Variants in NACC2 observed in about 807,000 individuals in gnomAD.
NACC2 encodes NACC family member 2.
NACC2 carries 8 observed loss-of-function variants against 25.1 expected under a neutral mutation model. That is an observed-to-expected ratio of 0.32 (90% CI 0.19 to 0.57). NACC2 has a LOEUF of 0.57. NACC2 is among the 20% of genes least tolerant of loss of function. NACC2 has a pLI of 0.89. For synonymous variants in NACC2, 435 were observed against 294.7 expected, an observed-to-expected ratio of 1.48 and a Z score of -4.88; for missense variants, 644 against 650.2, an observed-to-expected ratio of 0.99 and a Z score of 0.10.
intron 2 of NACC2, among the ~76,000 whole-genome samples, chr9:136,048,147 C>T (rs923454084): frequency 1.4e-4 from 22 of 152,316 alleles, no homozygotes; most frequent in African/African-American, 5.3e-4. Context: ...TGTAGGGGTG[C>T]CCAGCCTGTC....
In NACC2 at chr9:136,063,011, T is replaced by G. The variant is rs181284019; in HGVS notation, c.-59-12431A>C. On this transcript the variant is annotated intron_variant, in intron 1 of 5. Transcript: ENST00000277554. ...TCAACCCCATGCCTGTCTTCTTGTG[T>G]CTCCCCAAGAGAAGAAGCCCGACTT... Among the ~76,000 whole-genome samples the G allele has an allele frequency of 1.4e-3, 215 of 152,362 alleles. 2 individuals are homozygous for G. Among genetic ancestry groups the G allele is most frequent in the African/African-American group, 5.0e-3 (206 of 41,586 alleles).
chr9:136,084,504 G>A lies in NACC2; in HGVS notation c.-60+10685C>T, dbSNP rs548788399. Among the ~76,000 whole-genome samples the A allele has an allele frequency of 1.3e-5, 2 of 152,264 alleles. No homozygotes were observed. Among genetic ancestry groups the A allele is most frequent in the South Asian group, 2.1e-4 (1 of 4,822 alleles). Reference sequence around the variant, plus strand: ...AGGAGGCCACAGACAAACCTACCTCGAGGGTCCATCTATCAAATCTGTCAA... The same window carrying A: ...AGGAGGCCACAGACAAACCTACCTCAAGGGTCCATCTATCAAATCTGTCAA... On this transcript the variant is annotated intron_variant, in intron 1 of 5. Transcript: ENST00000277554. This position sits in a 1 kb window ranked among gnomAD's most constrained non-coding sequence, Gnocchi z 5.1.
intron 1 of NACC2, among the ~76,000 whole-genome samples, chr9:136,080,710 G>A (rs1296893389): frequency 1.3e-5 from 2 of 152,212 alleles, no homozygotes; most frequent in Non-Finnish European, 2.9e-5. Flanking sequence ...TGGAGTGTGG[G>A]TTAGCTGGGG....
At chr9:136,058,240 G>A (rs1840956374) in intron 1 of NACC2, among the ~76,000 whole-genome samples, 1 of 152,224 alleles carries the variant, frequency 6.6e-6, no homozygotes, top group Non-Finnish European at 1.5e-5. Flanking sequence ...ACCTCGCCCT[G>A]CCTTTGCCCC....
At chr9:136,031,764 T>C (rs1020745625) in intron 2 of NACC2, among the ~76,000 whole-genome samples, 2 of 152,162 alleles carry the variant, frequency 1.3e-5, no homozygotes, top group South Asian at 4.1e-4. Flanking sequence ...CTAAAGAAAA[T>C]ATTAGCAAAT....
At chr9:136,057,314 AAC>A (rs1338544547) in intron 1 of NACC2, among the ~76,000 whole-genome samples, 1 of 152,212 alleles carries the variant, frequency 6.6e-6, no homozygotes, top group Non-Finnish European at 1.5e-5. Context: ...TTGGGGGACA[AAC>A]ACAGCACAGA....
At chr9:136,060,043 T>C (rs1421144517) in intron 1 of NACC2, among the ~76,000 whole-genome samples, 1 of 152,218 alleles carries the variant, frequency 6.6e-6, no homozygotes, top group Non-Finnish European at 1.5e-5. Context: ...GAGACAGGGA[T>C]GCAGAGATGC....
At chr9:136,071,542 C>CAAAAA (rs34087690) in intron 1 of NACC2, among the ~76,000 whole-genome samples, 9 of 83,254 alleles carry the variant, frequency 1.1e-4, no homozygotes, top group East Asian at 3.4e-4. Context: ...GACTCCATCT[C>CAAAAA]AAAAAAAAAA....
At chr9:136,015,894 G>A (rs2131134151) in intron 3 of NACC2, among the ~76,000 whole-genome samples, 1 of 152,330 alleles carries the variant, frequency 6.6e-6, no homozygotes, top group African/African-American at 2.4e-5. Flanking sequence ...GAAGGATCCC[G>A]CCTTGACTGC....
At chr9:136,090,025 A>C (rs1297876772) in intron 1 of NACC2, among the ~76,000 whole-genome samples, 1 of 152,160 alleles carries the variant, frequency 6.6e-6, no homozygotes, top group Non-Finnish European at 1.5e-5. Context: ...AAAAAGTATC[A>C]ATATACAAAA....
chr9:136,087,797 G>A (rs1309245654), intron 1 of NACC2, among the ~76,000 whole-genome samples: 15 of 152,152 alleles, frequency 9.9e-5, no homozygotes, highest in South Asian at 4.2e-4. Flanking sequence ...AGCCCAGGAC[G>A]GCACCGGCAA....
rs1011773667 is a variant in NACC2, at chr9:136,052,232, A to C, written c.-59-1652T>G. ...AACAAAGATGGCAGAAATACTGTAC[A>C]GTAGTGGAGAAATGCTTCCCGGTGC... On this transcript the variant is annotated intron_variant, in intron 1 of 5. Coordinates refer to ENST00000277554, the MANE Select transcript of NACC2 (RefSeq NM_144653.5). 2.0e-4 allele frequency among the ~76,000 whole-genome samples: 31 copies of C among 152,356 alleles called. 1 individual carries two copies. The highest frequency in any genetic ancestry group is 1.9e-3 in the Admixed American group (29 of 15,302).
At chr9:136,062,498 C>G (rs1238837653) in intron 1 of NACC2, among the ~76,000 whole-genome samples, 1 of 152,192 alleles carries the variant, frequency 6.6e-6, no homozygotes, top group Non-Finnish European at 1.5e-5. Flanking sequence ...TCTTCAGTGC[C>G]TAGGCCCAGA....
At position 136,007,308 on chromosome 9, in the gene NACC2, C is replaced by A. The variant is rs931149926; in HGVS notation, c.*4208G>T. The A allele has an allele frequency of 1.9e-5, 3 of 154,394 alleles. No individual in the cohort carries two copies. Among genetic ancestry groups the A allele is most frequent in the African/African-American group, 7.2e-5 (3 of 41,528 alleles). The allele number at this position is 154,394 out of a possible 1,614,324, so 9.6% of individuals were successfully genotyped here. ...TTTGCCATTTTAGAACCATCTTGTA[C>A]CAAACCCTAAATGCTCCGGTGGTGA... On this transcript the variant is annotated 3_prime_UTR_variant, in exon 6 of 6. Transcript: ENST00000277554.
At chr9:136,049,434 G>T (rs985952799) in intron 2 of NACC2, among the ~76,000 whole-genome samples, 5 of 152,172 alleles carry the variant, frequency 3.3e-5, no homozygotes. Context: ...CAGGCTGGCA[G>T]AGTCTCCTAG....
At chr9:136,032,671 C>T (rs1190373387) in intron 2 of NACC2, among the ~76,000 whole-genome samples, 6 of 152,084 alleles carry the variant, frequency 3.9e-5, no homozygotes, top group Non-Finnish European at 2.9e-5. Context: ...CCAAGGCAGG[C>T]GGATCACTTG....
intron 1 of NACC2, among the ~76,000 whole-genome samples, chr9:136,062,107 C>G (rs7851532): frequency 1.3e-5 from 2 of 150,616 alleles, no homozygotes; most frequent in East Asian, 1.9e-4. Flanking sequence ...GCCTGGGCAA[C>G]AGAGCGAGAC....
At position 136,089,731 on chromosome 9, in the gene NACC2, G is replaced by A. The variant is rs556807147; in HGVS notation, c.-60+5458C>T. Among the ~76,000 whole-genome samples, 9 of 151,806 alleles carry A rather than the reference G, an allele frequency of 5.9e-5. No homozygotes were observed. In the South Asian group the frequency reaches 1.9e-3, roughly 32 times the overall value. On this transcript the variant is annotated intron_variant, in intron 1 of 5. Transcript: ENST00000277554. ...TTCTTCTACTTTCCCTCTTCATTTA[G>A]GAGCCACGGCCGACCACTCAACCTC... is the stretch of plus-strand genomic sequence containing the variant.
At chr9:136,048,786 G>T (rs1180429767) in intron 2 of NACC2, among the ~76,000 whole-genome samples, 1 of 152,230 alleles carries the variant, frequency 6.6e-6, no homozygotes, top group Non-Finnish European at 1.5e-5. Context: ...CAGCACTGCA[G>T]GAGGGGAAGG....
Sources: gnomAD v4.1 joint callset for allele counts (sites outside exome capture counted in the v4.1 genomes callset) on GRCh38, gnomAD v4.1.1 for gene constraint, Gnocchi (gnomAD v3.1) non-coding constraint, MANE v1.5 for transcripts, NCBI Gene and HGNC (gene_info 2026-07-23, HGNC 2026-07-21) for gene names.